The following WDPCP variants were observed in gnomAD, a reference collection of about 807,000 sequenced individuals.
WDPCP encodes the protein WD repeat containing planar cell polarity effector, also known as WD repeat-containing and planar cell polarity effector protein fritz homolog.
A neutral mutation model predicts 93.1 loss-of-function variants in WDPCP; 71 were observed. The observed-to-expected ratio is 0.76, with a 90% CI of 0.63 to 0.93. The LOEUF is 0.93. WDPCP is among the 40% of genes least tolerant of loss of function. The pLI is 0.00. For synonymous variants in WDPCP, 315 were observed against 315.0 expected, an observed-to-expected ratio of 1.00 and a Z score of 0.00; for missense variants, 844 against 887.4, an observed-to-expected ratio of 0.95 and a Z score of 0.62.
Position 63,382,058 on chromosome 2 carries a change from A to G in WDPCP, c.1472T>C (p.Ile491Thr), listed in dbSNP as rs1692356347. ...ATCACAGTGAATGTACTGGAAGATG[A>G]TGTCTATCAGGCCCAGCTGTCCTCG... is the stretch of plus-strand genomic sequence containing the variant. The part of the protein sequence containing the change: ...FTRGQLGLID[I>T]IFQYIHCDEI... Residue 491 changes from isoleucine (I) to threonine (T), a missense_variant, in exon 11 of 18, where the codon ATC (isoleucine) becomes ACC (threonine). Physicochemically the swap from Ile to Thr is moderately conservative, Grantham distance 89. Transcript: ENST00000272321. The G allele has an allele frequency of 6.2e-7, 1 of 1,613,238 alleles. No homozygotes were observed. Among genetic ancestry groups the G allele is most frequent in the Non-Finnish European group, 8.5e-7 (1 of 1,179,684 alleles).
At chr2:63,177,297 G>C (rs746735793) in intron 14 of WDPCP, among the ~76,000 whole-genome samples, 1 of 152,130 alleles carries the variant, frequency 6.6e-6, no homozygotes, top group Non-Finnish European at 1.5e-5. Context: ...TTGGGATTTT[G>C]ATAGGGATTG....
At chr2:63,837,804 C>G in the WDPCP span, among the ~76,000 whole-genome samples, 2,917 of 152,318 alleles carry the variant, frequency 0.019, 50 homozygotes, top group South Asian at 0.07. Context: ...TTATATGGCT[C>G]TCAAAGAGCA....
At chr2:63,330,462 T>C (rs4671485) in intron 12 of WDPCP, among the ~76,000 whole-genome samples, 119,310 of 152,106 alleles carry the variant, frequency 0.78, 47,378 homozygotes, top group East Asian at 0.96. Flanking sequence ...GAGTTCCTTA[T>C]ATATTTTAGA....
intron 6 of WDPCP, among the ~76,000 whole-genome samples, chr2:63,467,352 C>T (rs1699404841): frequency 6.6e-6 from 1 of 151,672 alleles, no homozygotes; most frequent in Non-Finnish European, 1.5e-5. Flanking sequence ...TGGTGGCACA[C>T]ACTTATAATC....
chr2:63,706,242 T>A (rs2103730047), intron 2 of WDPCP, among the ~76,000 whole-genome samples: 1 of 152,356 alleles, frequency 6.6e-6, no homozygotes, highest in East Asian at 1.9e-4. Flanking sequence ...GGGTCTTGAC[T>A]CTATCCAATT....
intron 14 of WDPCP, among the ~76,000 whole-genome samples, chr2:63,182,467 C>G (rs566360757): frequency 2.6e-5 from 4 of 152,140 alleles, no homozygotes; most frequent in Admixed American, 2.6e-4. Flanking sequence ...GTATGTTGAA[C>G]TATACTTGCA....
At chr2:63,551,342 G>C (rs1000602229) in intron 1 of WDPCP, among the ~76,000 whole-genome samples, 2 of 152,176 alleles carry the variant, frequency 1.3e-5, no homozygotes, top group Non-Finnish European at 2.9e-5. Context: ...GGCCTGGCGG[G>C]AGGTGTTTGG....
intron 2 of WDPCP, among the ~76,000 whole-genome samples, chr2:63,741,818 T>G (rs1183291548): frequency 6.6e-6 from 1 of 152,112 alleles, no homozygotes; most frequent in Non-Finnish European, 1.5e-5. Context: ...TAGGTGAATA[T>G]TATTCCAGAC....
At chr2:63,622,194 T>C in intron 3 of WDPCP, 1 of 1,598,280 alleles carries the variant, frequency 6.3e-7, no homozygotes, top group Non-Finnish European at 8.5e-7. Context: ...CTGTTGCTGC[T>C]GCTGCTGCTT....
intron 1 of WDPCP, among the ~76,000 whole-genome samples, chr2:63,556,752 T>C (rs1282113045): frequency 6.6e-6 from 1 of 152,154 alleles, no homozygotes; most frequent in African/African-American, 2.4e-5. Context: ...GAAAAAATGT[T>C]AAGGACAGCC....
At chr2:63,496,336 T>C (rs914193689) in intron 1 of WDPCP, among the ~76,000 whole-genome samples, 1 of 152,134 alleles carries the variant, frequency 6.6e-6, no homozygotes, top group Non-Finnish European at 1.5e-5. Flanking sequence ...AACTGGAGAG[T>C]GTAGTGTAGT....
intron 8 of WDPCP, among the ~76,000 whole-genome samples, chr2:63,434,894 G>A (rs1174491824): frequency 2.0e-5 from 3 of 152,062 alleles, no homozygotes; most frequent in Non-Finnish European, 4.4e-5. Context: ...TTAAGAACCC[G>A]TTGCATTTAT....
chr2:63,440,493 A>G (rs1697435997), intron 6 of WDPCP: 2 of 152,278 alleles, frequency 1.3e-5, no homozygotes, highest in Admixed American at 6.5e-5. Flanking sequence ...AAAGGAATAT[A>G]GTAGAGCATC....
rs1491254250 is a variant in WDPCP at position 63,575,419 on chromosome 2, C to CGG, written c.75+12777_75+12778insCC. ...ATACAGTATATATACAGTATATACA[C>CGG]TGTATACAGTGTATATACAGTGTAT... On this transcript the variant is annotated intron_variant, in intron 1 of 17. Coordinates refer to ENST00000272321, the MANE Select transcript of WDPCP (RefSeq NM_015910.7). Among the ~76,000 whole-genome samples the CGG allele has an allele frequency of 6.4e-4, 42 of 65,556 alleles. 1 individual carries two copies. Among genetic ancestry groups the CGG allele is most frequent in the African/African-American group, 4.6e-3 (40 of 8,694 alleles). 43.0% of individuals were successfully genotyped at this position (65,556 alleles called of 152,430 possible). A position where few individuals can be genotyped will look rare whatever the true frequency, so the allele number is the denominator to read the frequency against.
intron 3 of WDPCP, among the ~76,000 whole-genome samples, chr2:63,613,986 T>C (rs1254452487): frequency 2.0e-5 from 3 of 152,198 alleles, no homozygotes; most frequent in Non-Finnish European, 2.9e-5. Flanking sequence ...TATTCATTTT[T>C]CTGAGAGCAG....
the WDPCP span, among the ~76,000 whole-genome samples, chr2:63,837,381 G>C: frequency 6.6e-6 from 1 of 152,172 alleles, no homozygotes; most frequent in Non-Finnish European, 1.5e-5. Flanking sequence ...CTCTCATGTG[G>C]GTGGCCTAGG....
At chr2:63,744,814 C>A (rs891790018) in intron 2 of WDPCP, among the ~76,000 whole-genome samples, 1 of 151,960 alleles carries the variant, frequency 6.6e-6, no homozygotes, top group Non-Finnish European at 1.5e-5. Context: ...TCCCCCTTTC[C>A]CCTACCCACC....
At chr2:63,714,994 A>G (rs974871491) in intron 2 of WDPCP, among the ~76,000 whole-genome samples, 9 of 152,262 alleles carry the variant, frequency 5.9e-5, no homozygotes, top group Admixed American at 5.2e-4. Context: ...ATAAAAAAAG[A>G]ATGCTGTGAC....
At chr2:63,359,261 C>T (rs1690254988) in intron 12 of WDPCP, among the ~76,000 whole-genome samples, 1 of 152,216 alleles carries the variant, frequency 6.6e-6, no homozygotes, top group Non-Finnish European at 1.5e-5. Flanking sequence ...CAATATTTCT[C>T]TCATGCTTAA....
Sources: gnomAD v4.1 joint callset for allele counts (sites outside exome capture counted in the v4.1 genomes callset) on GRCh38, gnomAD v4.1.1 for gene constraint, MANE v1.5 for transcripts, NCBI Gene and HGNC (gene_info 2026-07-23, HGNC 2026-07-21) for gene names.